The following TCF4 variants were observed in gnomAD, a reference collection of about 807,000 sequenced individuals.
TCF4 encodes transcription factor 4.
A neutral mutation model predicts 82.1 loss-of-function variants in TCF4; 3 were observed. That is an observed-to-expected ratio of 0.04 (90% CI 0.02 to 0.09). The LOEUF (loss-of-function observed/expected upper bound fraction) is 0.09, where lower values mean the gene tolerates loss of function less well. Ranked by LOEUF, TCF4 falls within the 10% of genes least tolerant of loss-of-function variation. The pLI, the probability that TCF4 is intolerant of heterozygous loss-of-function variation, is 1.00. For missense variants in TCF4, 518 were observed against 852.7 expected (o/e 0.61, Z 4.89); for synonymous variants, 276 against 309.6 (o/e 0.89, Z 1.14).
chr18:55,300,232 C>T (rs2067779735), intron 8 of TCF4, among the ~76,000 whole-genome samples: 1 of 152,166 alleles, frequency 6.6e-6, no homozygotes, highest in African/African-American at 2.4e-5. Context: ...AGGGAATCTG[C>T]CCCCTATGCC....
chr18:55,447,785 G>A (rs1603471216), intron 5 of TCF4, among the ~76,000 whole-genome samples: 2 of 152,084 alleles, frequency 1.3e-5, no homozygotes, highest in East Asian at 3.9e-4. Context: ...CCTCACTGCT[G>A]TAAGGGAGCA....
At chr18:55,530,744 T>C (rs760986177) in intron 3 of TCF4, among the ~76,000 whole-genome samples, 3 of 152,052 alleles carry the variant, frequency 2.0e-5, no homozygotes, top group African/African-American at 2.4e-5. Flanking sequence ...TGAAAAACAG[T>C]GTTCAAAATT....
At chr18:55,456,667 C>A (rs1033002177) in intron 5 of TCF4, among the ~76,000 whole-genome samples, 1 of 152,098 alleles carries the variant, frequency 6.6e-6, no homozygotes, top group Non-Finnish European at 1.5e-5. Context: ...TGGACAATTA[C>A]CTGCAAAAGT....
chr18:55,423,996 T>C (rs116464595), intron 5 of TCF4, among the ~76,000 whole-genome samples: 6,370 of 152,176 alleles, frequency 0.042, 205 homozygotes, highest in South Asian at 0.17. Flanking sequence ...GCCATCCCCA[T>C]GGCCCCTCCC....
At chr18:55,442,166 A>C (rs1280620465) in intron 5 of TCF4, among the ~76,000 whole-genome samples, 1 of 152,240 alleles carries the variant, frequency 6.6e-6, no homozygotes, top group African/African-American at 2.4e-5. Context: ...GATTAAAAAA[A>C]CAAAAAACAA....
chr18:55,402,313 G>C, intron 6 of TCF4: 2 of 799,344 alleles, frequency 2.5e-6, no homozygotes, highest in African/African-American at 1.9e-5. Flanking sequence ...CCTATGTCTG[G>C]TACGTAAAGG....
At chr18:55,251,042 T>TA (rs567301664) in intron 15 of TCF4, among the ~76,000 whole-genome samples, 122 of 152,252 alleles carry the variant, frequency 8.0e-4, no homozygotes, top group African/African-American at 2.7e-3. Flanking sequence ...GACAAAGAGA[T>TA]ACAAAAGTTC....
chr18:55,541,742 T>C (rs1257521839), intron 3 of TCF4, among the ~76,000 whole-genome samples: 2 of 152,030 alleles, frequency 1.3e-5, no homozygotes, highest in African/African-American at 4.8e-5. Context: ...TGGATCAAGA[T>C]GGATCATAAC....
At chr18:55,330,882 C>T (rs2077455131) in intron 8 of TCF4, among the ~76,000 whole-genome samples, 1 of 152,218 alleles carries the variant, frequency 6.6e-6, no homozygotes, top group Non-Finnish European at 1.5e-5. Flanking sequence ...AGCTTTGTAA[C>T]TTACCTGCAT....
At position 55,463,948 on chromosome 18, in the gene TCF4, C is replaced by CTGTG. The variant is rs151196106; in HGVS notation, c.207+124_207+127dup. 109,747 of 655,220 alleles carry CTGTG rather than the reference C, an allele frequency of 0.17. 3,985 individuals carry two copies. Among genetic ancestry groups the CTGTG allele is most frequent in the Admixed American group, 0.22 (10,153 of 47,054 alleles). The allele number at this position is 655,220 out of a possible 1,614,324, so 40.6% of individuals were successfully genotyped here. A position where few individuals can be genotyped will look rare whatever the true frequency, so the allele number is the denominator to read the frequency against. On this transcript the variant is annotated intron_variant, in intron 4 of 19. Transcript: ENST00000354452. ...TGTGTGCGTGTGCATGCCCATGCCT[C>CTGTG]TGTGTGTGTGTGTGTGTGTGTGTGT...
chr18:55,550,156 G>C lies in TCF4; in HGVS notation c.145+35124C>G, dbSNP rs544788106. On this transcript the variant is annotated intron_variant, in intron 3 of 19. Transcript: ENST00000354452. ...AACTTCTCTTAGACACACATCAAGAGACTCACTCCTTTCTAATTTGTGTTT... is the reference window on the plus strand; with the variant it reads ...AACTTCTCTTAGACACACATCAAGACACTCACTCCTTTCTAATTTGTGTTT... 1.6e-4 allele frequency: 25 copies of C among 152,240 alleles called. 1 individual carries two copies. The South Asian group carries it at 4.3e-3, about 26-fold the overall frequency. The allele number at this position is 152,240 out of a possible 1,614,324, so 9.4% of individuals were successfully genotyped here. A position where few individuals can be genotyped will look rare whatever the true frequency, so the allele number is the denominator to read the frequency against.
chr18:55,503,022 T>C (rs1330882409), intron 3 of TCF4, among the ~76,000 whole-genome samples: 1 of 152,214 alleles, frequency 6.6e-6, no homozygotes, highest in African/African-American at 2.4e-5. Context: ...CCAATGGATA[T>C]GAATTACTTT....
At chr18:55,320,721 A>C (rs1263454301) in intron 8 of TCF4, 1 of 152,256 alleles carries the variant, frequency 6.6e-6, no homozygotes, top group Non-Finnish European at 1.5e-5. Flanking sequence ...CAAAGAGAAC[A>C]GTTTATAAAT....
intron 10 of TCF4, among the ~76,000 whole-genome samples, chr18:55,272,818 C>A (rs919820063): frequency 2.0e-5 from 3 of 152,058 alleles, no homozygotes; most frequent in African/African-American, 7.2e-5. Context: ...CCCCAGACAT[C>A]ACCAAACGTT....
chr18:55,621,935 T>C (rs2097721036), intron 2 of TCF4, among the ~76,000 whole-genome samples: 1 of 1,208 alleles, frequency 8.3e-4, no homozygotes, highest in South Asian at 0.042. Flanking sequence ...CTATATACTA[T>C]ATATACACTA....
chr18:55,431,501 G>A (rs7240481), intron 5 of TCF4, among the ~76,000 whole-genome samples: 90,862 of 151,952 alleles, frequency 0.6, 29,083 homozygotes, highest in Non-Finnish European at 0.71. Context: ...GCTGGTCTTG[G>A]ACTCCTGACC....
intron 2 of TCF4, among the ~76,000 whole-genome samples, chr18:55,609,761 G>T (rs978062328): frequency 6.6e-6 from 1 of 152,102 alleles, no homozygotes; most frequent in Admixed American, 6.6e-5. Flanking sequence ...CAGGGCCTTT[G>T]CACTTGCTGT....
At chr18:55,410,595 A>G (rs2094303961) in intron 5 of TCF4, among the ~76,000 whole-genome samples, 1 of 152,106 alleles carries the variant, frequency 6.6e-6, no homozygotes, top group Non-Finnish European at 1.5e-5. Context: ...TAACCAGCTC[A>G]TATAGTTAAA....
At position 55,498,871 on chromosome 18, in the gene TCF4, C is replaced by T. The variant is rs570475660; in HGVS notation, c.146-34734G>A. 2.6e-5 allele frequency among the ~76,000 whole-genome samples: 4 copies of T among 152,304 alleles called. No homozygotes were observed. The South Asian group carries it at 6.2e-4, about 24-fold the overall frequency. Reference sequence around the variant, plus strand: ...ATGAGAATGTGATGTAATGTATCTTCTTCCTTTTATTTGTAAGTACCCCTT... The same window carrying T: ...ATGAGAATGTGATGTAATGTATCTTTTTCCTTTTATTTGTAAGTACCCCTT... On this transcript the variant is annotated intron_variant, in intron 3 of 19. Coordinates refer to ENST00000354452, the MANE Select transcript of TCF4 (RefSeq NM_001083962.2).
Sources: allele counts gnomAD v4.1 joint callset (sites outside exome capture counted in the v4.1 genomes callset), GRCh38; gene constraint gnomAD v4.1.1; transcripts MANE v1.5; gene names NCBI Gene and HGNC (gene_info 2026-07-23, HGNC 2026-07-21).